The following SRFBP1 variants were observed in gnomAD, a reference collection of about 807,000 sequenced individuals.
SRFBP1 encodes serum response factor binding protein 1.
A neutral mutation model predicts 45.5 loss-of-function variants in SRFBP1; 47 were observed. The observed-to-expected ratio is 1.03, with a 90% confidence interval of 0.82 to 1.32. SRFBP1 has a LOEUF of 1.32. SRFBP1 is among the 40% of genes most tolerant of loss of function. The pLI is 0.00. For missense variants in SRFBP1, 621 were observed against 484.6 expected, an observed-to-expected ratio of 1.28 and a Z score of -2.64; for synonymous variants, 203 against 166.3, an observed-to-expected ratio of 1.22 and a Z score of -1.70.
At position 122,027,063 on chromosome 5, in the gene SRFBP1, G is replaced by A. The variant is rs760725351; in HGVS notation, c.1227G>A (p.Arg409=). 5 of 1,612,350 alleles carry A rather than the reference G, an allele frequency of 3.1e-6. No individual in the cohort carries two copies. The South Asian group carries it at 3.3e-5, about 11-fold the overall frequency. ...PLHPSWEASR[R]RKEQQSNIAV... is the part of the protein sequence containing the mutation. ...ATCCTTCATGGGAAGCAAGCAGAAG[G>A]CGAAAAGAACAGCAATCTAATATTG... Residue 409 remains arginine (R), a synonymous_variant, in exon 8 of 8, where the codon AGG becomes AGA. Transcript: ENST00000339397.
chr5:122,009,470 G>A (rs1284653031), intron 4 of SRFBP1, among the ~76,000 whole-genome samples: 1 of 151,766 alleles, frequency 6.6e-6, no homozygotes, highest in Non-Finnish European at 1.5e-5. Flanking sequence ...TTCTTACTAT[G>A]TGTTATATCT....
chr5:122,066,582 C>A, intron 2 of SRFBP1: 1 of 535,186 alleles, frequency 1.9e-6, no homozygotes, highest in Non-Finnish European at 3.4e-6. Flanking sequence ...CGTTCAAAAT[C>A]CAGTTATGTG....
At chr5:122,021,822 G>T (rs1012789202) in intron 6 of SRFBP1, among the ~76,000 whole-genome samples, 2 of 150,762 alleles carry the variant, frequency 1.3e-5, no homozygotes, top group African/African-American at 4.9e-5. Context: ...GATTATAGGC[G>T]CATGCCACCA....
At chr5:122,019,739 C>A (rs1322280778) in intron 5 of SRFBP1, among the ~76,000 whole-genome samples, 1 of 151,314 alleles carries the variant, frequency 6.6e-6, no homozygotes, top group East Asian at 1.9e-4. Flanking sequence ...AATTTTATGT[C>A]TGAAAGCACA....
chr5:122,073,773 A>G (rs973820591), intron 2 of SRFBP1, among the ~76,000 whole-genome samples: 2 of 152,292 alleles, frequency 1.3e-5, no homozygotes, highest in African/African-American at 4.8e-5. Flanking sequence ...CCTTTTCCCA[A>G]TTATTTTACA....
chr5:121,963,091 G>T (rs77298376), intron 1 of SRFBP1, among the ~76,000 whole-genome samples: 4,349 of 152,270 alleles, frequency 0.029, 93 homozygotes, highest in Non-Finnish European at 0.042. Context: ...TGCAGTCAGT[G>T]ATTCAGGAAA....
At chr5:121,980,643 G>C (rs1335563212) in intron 3 of SRFBP1, among the ~76,000 whole-genome samples, 1 of 152,022 alleles carries the variant, frequency 6.6e-6, no homozygotes, top group African/African-American at 2.4e-5. Context: ...TCATATGCTG[G>C]GTAATTTTGG....
chr5:122,067,032 C>A (rs1450814554), intron 2 of SRFBP1, among the ~76,000 whole-genome samples: 1 of 152,050 alleles, frequency 6.6e-6, no homozygotes, highest in Non-Finnish European at 1.5e-5. Context: ...ACTTCTGGGA[C>A]CAGCATCCCT....
rs187916284 is a variant in SRFBP1 at position 122,047,297 on chromosome 5, A to G, written n.311+24890A>G. Among the ~76,000 whole-genome samples, 1,050 of 152,306 alleles carry G rather than the reference A, an allele frequency of 6.9e-3. 11 individuals carry two copies. Among genetic ancestry groups the G allele is most frequent in the African/African-American group, 0.023 (967 of 41,560 alleles). On this transcript the variant is annotated intron_variant and non_coding_transcript_variant, in intron 2 of 2. Coordinates refer to the SRFBP1 transcript ENST00000504881. ...CAGTTTTCCCAGCACCATTTATTAAATAGGGAATCGTTTCCCCATTGCTTG... is the reference window on the plus strand; with the variant it reads ...CAGTTTTCCCAGCACCATTTATTAAGTAGGGAATCGTTTCCCCATTGCTTG...
At chr5:121,995,467 G>C (rs1010263832) in intron 4 of SRFBP1, among the ~76,000 whole-genome samples, 1 of 151,976 alleles carries the variant, frequency 6.6e-6, no homozygotes, top group Non-Finnish European at 1.5e-5. Flanking sequence ...TGAAACCAAC[G>C]AGAACAAAGA....
intron 3 of SRFBP1, among the ~76,000 whole-genome samples, chr5:121,983,274 G>C (rs2112827259): frequency 6.6e-6 from 1 of 151,732 alleles, no homozygotes; most frequent in South Asian, 2.1e-4. Context: ...AATGAAAATG[G>C]CTGTCTGTTC....
Position 121,962,072 on chromosome 5 carries a change from A to G in SRFBP1, c.36+4A>G. 1.2e-6 allele frequency: 2 copies of G among 1,614,036 alleles called. No individual in the cohort carries two copies. The highest frequency in any genetic ancestry group is 1.6e-4 in the Middle Eastern group (1 of 6,062). On this transcript the variant is annotated splice_donor_region_variant and intron_variant, in intron 1 of 7. Transcript: ENST00000339397. ...AACTCTGAACCTCAATAACGAGGTG[A>G]GCGCCGAGGAACCTATGGGGCTGAC...
intron 2 of SRFBP1, among the ~76,000 whole-genome samples, chr5:122,045,747 G>C (rs945397722): frequency 1.1e-4 from 17 of 152,108 alleles, no homozygotes; most frequent in African/African-American, 4.1e-4. Context: ...ATATTGAGGA[G>C]CTTTTGGGCA....
chr5:121,970,392 T>C (rs1162493996), intron 1 of SRFBP1, among the ~76,000 whole-genome samples: 1 of 152,168 alleles, frequency 6.6e-6, no homozygotes, highest in Non-Finnish European at 1.5e-5. Context: ...TATCATCTCA[T>C]GCACCTGCAA....
At chr5:122,047,687 T>G (rs985618373) in intron 2 of SRFBP1, among the ~76,000 whole-genome samples, 5 of 152,340 alleles carry the variant, frequency 3.3e-5, no homozygotes, top group Admixed American at 2.6e-4. Flanking sequence ...GAGCATGGAA[T>G]GTTCTTCCAT....
chr5:121,999,662 C>T (rs922969265), intron 4 of SRFBP1, among the ~76,000 whole-genome samples: 2 of 151,884 alleles, frequency 1.3e-5, no homozygotes, highest in African/African-American at 2.4e-5. Context: ...GTTCTTGGGG[C>T]GCTGATCCTT....
chr5:121,981,673 A>C (rs1314216447), intron 3 of SRFBP1, among the ~76,000 whole-genome samples: 1 of 149,850 alleles, frequency 6.7e-6, no homozygotes, highest in African/African-American at 2.5e-5. Context: ...ATAAACATTT[A>C]CTCTTCCTTC....
At chr5:122,046,471 A>G (rs1265565118) in intron 2 of SRFBP1, among the ~76,000 whole-genome samples, 2 of 152,172 alleles carry the variant, frequency 1.3e-5, no homozygotes, top group Non-Finnish European at 2.9e-5. Context: ...GTTGGTTCCA[A>G]GTCTTTGCTA....
intron 2 of SRFBP1, chr5:122,074,285 C>A: frequency 3.8e-6 from 3 of 785,922 alleles, no homozygotes; most frequent in Non-Finnish European, 6.1e-6. Flanking sequence ...AAATTGAGAC[C>A]AAATTTATCT....
Sources: allele counts gnomAD v4.1 joint callset (sites outside exome capture counted in the v4.1 genomes callset), GRCh38; gene constraint gnomAD v4.1.1; transcripts MANE v1.5; gene names NCBI Gene and HGNC (gene_info 2026-07-23, HGNC 2026-07-21).